SLC25A21: variants seen among roughly 807,000 people sequenced by gnomAD.
SLC25A21 encodes solute carrier family 25 member 21.
Under a neutral mutation model 43.8 loss-of-function variants are expected in SLC25A21, and 47 were observed. The observed-to-expected ratio is 1.07, with a 90% CI of 0.85 to 1.37. The LOEUF is 1.37. Ranked by LOEUF, SLC25A21 falls within the 40% of genes most tolerant of loss-of-function variation. The pLI, the probability that SLC25A21 is intolerant of heterozygous loss-of-function variation, is 0.00. For synonymous variants in SLC25A21, 131 were observed against 121.3 expected (o/e 1.08, Z -0.52); for missense variants, 352 against 350.2 (o/e 1.00, Z -0.04).
intron 2 of SLC25A21, among the ~76,000 whole-genome samples, chr14:36,862,577 G>C (rs909538959): frequency 6.6e-6 from 1 of 152,084 alleles, no homozygotes; most frequent in African/African-American, 2.4e-5. Context: ...CATGGACACA[G>C]GGAGGGGAAC....
intron 1 of SLC25A21, among the ~76,000 whole-genome samples, chr14:37,143,154 G>T (rs1003255008): frequency 1.3e-5 from 2 of 152,190 alleles, no homozygotes; most frequent in African/African-American, 4.8e-5. Context: ...ATAATGGAAA[G>T]TTTTACATAC....
chr14:36,783,034 C>T (rs1887127373), intron 3 of SLC25A21, among the ~76,000 whole-genome samples: 1 of 151,408 alleles, frequency 6.6e-6, no homozygotes, highest in Non-Finnish European at 1.5e-5. Context: ...GATTGCATGC[C>T]TTCCCTTGAT....
At chr14:36,929,339 C>T (rs550590399) in intron 1 of SLC25A21, among the ~76,000 whole-genome samples, 39 of 152,272 alleles carry the variant, frequency 2.6e-4, no homozygotes, top group African/African-American at 9.4e-4. Context: ...TTGATTCCCA[C>T]CTTAACTAGT....
intron 1 of SLC25A21, among the ~76,000 whole-genome samples, chr14:37,128,536 C>CTGTGTGTGTGTGTG (rs780961992): frequency 3.1e-4 from 27 of 87,028 alleles, no homozygotes; most frequent in African/African-American, 1.0e-3. Flanking sequence ...CTCTCTCTCT[C>CTGTGTGTGTGTGTG]TCTGTGTGTG....
chr14:36,938,529 C>G (rs1332480105), intron 1 of SLC25A21, among the ~76,000 whole-genome samples: 1 of 152,000 alleles, frequency 6.6e-6, no homozygotes, highest in Non-Finnish European at 1.5e-5. Flanking sequence ...TCCCGCTGAG[C>G]CTTAGTCTAT....
At position 37,169,888 on chromosome 14, in the gene SLC25A21, T is replaced by C. The variant is rs186355921; in HGVS notation, c.70+2393A>G. On this transcript the variant is annotated intron_variant, in intron 1 of 9. Coordinates refer to ENST00000331299, the MANE Select transcript of SLC25A21 (RefSeq NM_030631.4). ...TTATTAATAACTCCATAGTATTAAC[T>C]ATATAAATCAACTATGCTATTTTTT... 3.5e-3 allele frequency among the ~76,000 whole-genome samples: 534 copies of C among 152,280 alleles called. 3 individuals are homozygous for C. Among genetic ancestry groups the C allele is most frequent in the Non-Finnish European group, 6.0e-3 (408 of 68,012 alleles).
chr14:36,808,958 C>A (rs75412800), intron 3 of SLC25A21: 1 of 152,016 alleles, frequency 6.6e-6, no homozygotes, highest in African/African-American at 2.4e-5. Context: ...AATGTATAGT[C>A]CCCTCACCCA....
At chr14:36,730,940 T>C (rs1884794046) in intron 4 of SLC25A21, among the ~76,000 whole-genome samples, 1 of 151,860 alleles carries the variant, frequency 6.6e-6, no homozygotes, top group Non-Finnish European at 1.5e-5. Context: ...CTAGAAACCA[T>C]TAACCATGGA....
chr14:36,752,970 C>T (rs1397299071), intron 3 of SLC25A21, among the ~76,000 whole-genome samples: 1 of 152,142 alleles, frequency 6.6e-6, no homozygotes, highest in Non-Finnish European at 1.5e-5. Flanking sequence ...TTGGGTATGT[C>T]TTTAGCAATG....
intron 1 of SLC25A21, among the ~76,000 whole-genome samples, chr14:37,083,254 A>G (rs1349860267): frequency 6.6e-6 from 1 of 152,216 alleles, no homozygotes. Flanking sequence ...TTTTTCAGTC[A>G]ACAAGCATTA....
At chr14:36,945,436 A>G (rs1431213530) in intron 1 of SLC25A21, among the ~76,000 whole-genome samples, 1 of 152,208 alleles carries the variant, frequency 6.6e-6, no homozygotes, top group Non-Finnish European at 1.5e-5. Context: ...AGCGCTATTC[A>G]TGAGAGGCAA....
At chr14:36,741,767 C>G (rs1223109828) in intron 3 of SLC25A21, among the ~76,000 whole-genome samples, 1 of 152,168 alleles carries the variant, frequency 6.6e-6, no homozygotes, top group African/African-American at 2.4e-5. Flanking sequence ...CAGTAAGCAT[C>G]CAGAGCAGCA....
chr14:36,758,590 C>CAAAAAAAAAAA (rs11314165), intron 3 of SLC25A21, among the ~76,000 whole-genome samples: 1 of 127,700 alleles, frequency 7.8e-6, no homozygotes, highest in African/African-American at 3.1e-5. Context: ...TCAGCCAGGT[C>CAAAAAAAAAAA]AAAAAAAAAA....
chr14:36,692,508 C>G (rs1477836216), intron 7 of SLC25A21, among the ~76,000 whole-genome samples: 1 of 152,182 alleles, frequency 6.6e-6, no homozygotes, highest in Non-Finnish European at 1.5e-5. Context: ...CCCCTTTTAC[C>G]TTTCCTGGCA....
At chr14:37,142,324 C>A (rs1489628288) in intron 1 of SLC25A21, among the ~76,000 whole-genome samples, 1 of 152,176 alleles carries the variant, frequency 6.6e-6, no homozygotes, top group Non-Finnish European at 1.5e-5. Flanking sequence ...CTCTTCATCA[C>A]AGACTATCAT....
intron 1 of SLC25A21, among the ~76,000 whole-genome samples, chr14:37,096,546 T>C (rs1962698131): frequency 6.6e-6 from 1 of 152,186 alleles, no homozygotes; most frequent in South Asian, 2.1e-4. Context: ...GTAAACACTT[T>C]GTTCCTTTTC....
chr14:37,159,955 T>C (rs1375105849), intron 1 of SLC25A21, among the ~76,000 whole-genome samples: 1 of 151,824 alleles, frequency 6.6e-6, no homozygotes, highest in Non-Finnish European at 1.5e-5. Flanking sequence ...CAAATACATA[T>C]ATGAAAAAAT....
chr14:36,910,045 T>C (rs1004738594), intron 1 of SLC25A21, among the ~76,000 whole-genome samples: 1 of 152,172 alleles, frequency 6.6e-6, no homozygotes, highest in Non-Finnish European at 1.5e-5. Flanking sequence ...TAAGCGCTAC[T>C]CTCAATTATT....
intron 1 of SLC25A21, among the ~76,000 whole-genome samples, chr14:36,982,868 T>C (rs1244838247): frequency 6.6e-6 from 1 of 152,084 alleles, no homozygotes; most frequent in Non-Finnish European, 1.5e-5. Flanking sequence ...TGCAGATATA[T>C]CTTACTAAAT....
Sources: allele counts gnomAD v4.1 joint callset (sites outside exome capture counted in the v4.1 genomes callset), GRCh38; gene constraint gnomAD v4.1.1; transcripts MANE v1.5; gene names NCBI Gene and HGNC (gene_info 2026-07-23, HGNC 2026-07-21).